RAB10: variants seen among roughly 807,000 people sequenced by gnomAD.
RAB10 encodes the protein ras-related protein Rab-10.
In RAB10, 5 loss-of-function variants were observed where a neutral mutation model predicts 25.7. That is an observed-to-expected ratio of 0.19 (90% CI 0.10 to 0.41). The LOEUF (loss-of-function observed/expected upper bound fraction) is 0.41. Ranked by LOEUF, RAB10 falls within the 10% of genes least tolerant of loss-of-function variation. RAB10 has a pLI of 1.00. For missense variants in RAB10, 103 were observed against 245.8 expected (o/e 0.42, Z 3.89); for synonymous variants, 89 against 86.4 (o/e 1.03, Z -0.16).
intron 2 of RAB10, 84 bp downstream of exon 2, chr2:26,098,806 A>G (rs1574551220): frequency 3.5e-6 from 4 of 1,156,758 alleles, no homozygotes; most frequent in East Asian, 5.1e-5. Flanking sequence ...TCACAGGTTT[A>G]GATTCTGTGA....
intron 1 of RAB10, among the ~76,000 whole-genome samples, chr2:26,048,608 A>G (rs892758053): frequency 3.4e-4 from 51 of 152,130 alleles, no homozygotes; most frequent in African/African-American, 1.1e-3. Flanking sequence ...TCTAGTCTTG[A>G]CCAGGTGCAG....
chr2:26,078,153 A>G (rs1324016386), intron 1 of RAB10, among the ~76,000 whole-genome samples: 2 of 152,230 alleles, frequency 1.3e-5, no homozygotes, highest in East Asian at 3.8e-4. Context: ...TGAAAACTAG[A>G]AAGCATTGTT....
chr2:26,057,558 A>C (rs1309033547), intron 1 of RAB10, among the ~76,000 whole-genome samples: 1 of 151,054 alleles, frequency 6.6e-6, no homozygotes, highest in Admixed American at 6.6e-5. Flanking sequence ...GATGGTGTAG[A>C]GAAAAAGAAC....
intron 5 of RAB10, 34 bp downstream of exon 5, chr2:26,127,985 T>C: frequency 3.4e-6 from 5 of 1,459,622 alleles, no homozygotes; most frequent in Non-Finnish European, 4.8e-6. Context: ...GCCAGGTACC[T>C]GAGTATCTCT....
intron 1 of RAB10, among the ~76,000 whole-genome samples, chr2:26,037,509 C>A (rs1316132235): frequency 6.6e-6 from 1 of 151,992 alleles, no homozygotes; most frequent in African/African-American, 2.4e-5. Context: ...CGTGGTGGCG[C>A]ATGCTTGTAA....
chr2:26,080,066 A>G (rs1666834681), intron 1 of RAB10, among the ~76,000 whole-genome samples: 1 of 152,214 alleles, frequency 6.6e-6, no homozygotes, highest in Non-Finnish European at 1.5e-5. Context: ...TTGTGATTCT[A>G]GAAAACAAAG....
intron 2 of RAB10, among the ~76,000 whole-genome samples, chr2:26,103,054 T>C (rs530510800): frequency 1.3e-5 from 2 of 152,298 alleles, no homozygotes; most frequent in South Asian, 4.1e-4. Context: ...TCATTATCCC[T>C]CCTTATTGTT....
chr2:26,101,240 T>C (rs2149280978), intron 2 of RAB10: 1 of 152,322 alleles, frequency 6.6e-6, no homozygotes, highest in East Asian at 1.9e-4. Flanking sequence ...CTATGCTTTT[T>C]ACCATGTTGC....
At chr2:26,066,715 G>T (rs1197965854) in intron 1 of RAB10, among the ~76,000 whole-genome samples, 1 of 151,922 alleles carries the variant, frequency 6.6e-6, no homozygotes, top group Admixed American at 6.6e-5. Context: ...GACACTTGGG[G>T]ATTATGGGAA....
At chr2:26,070,475 C>T (rs963424560) in intron 1 of RAB10, among the ~76,000 whole-genome samples, 7 of 152,158 alleles carry the variant, frequency 4.6e-5, no homozygotes, top group African/African-American at 1.4e-4. Context: ...TTCGTTTCAT[C>T]ATACTTAAAA....
intron 3 of RAB10, among the ~76,000 whole-genome samples, chr2:26,126,515 C>T (rs556993663): frequency 6.6e-6 from 1 of 152,188 alleles, no homozygotes; most frequent in Non-Finnish European, 1.5e-5. Context: ...ATCGCTTGAA[C>T]TCGGGAGGCG....
intron 1 of RAB10, among the ~76,000 whole-genome samples, chr2:26,057,787 C>T (rs894184615): frequency 6.6e-6 from 1 of 152,140 alleles, no homozygotes; most frequent in African/African-American, 2.4e-5. Flanking sequence ...CCACACCCAG[C>T]TAATTTTTGT....
Position 26,131,785 on chromosome 2 carries a change from A to G in RAB10, c.520-3153A>G, listed in dbSNP as rs952981788. Among the ~76,000 whole-genome samples the G allele has an allele frequency of 3.3e-5, 5 of 152,198 alleles. 1 individual carries two copies. Among genetic ancestry groups the G allele is most frequent in the Admixed American group, 3.3e-4 (5 of 15,278 alleles). On this transcript the variant is annotated intron_variant, in intron 5 of 5. Transcript: ENST00000264710. ...CCTTTTCTTTTTAACAGATGAGGTA[A>G]CATACTCCACTGATTGTCACTTTGC... is the stretch of plus-strand genomic sequence containing the variant.
At chr2:26,074,401 A>AT (rs1666689210) in intron 1 of RAB10, among the ~76,000 whole-genome samples, 3 of 151,996 alleles carry the variant, frequency 2.0e-5, no homozygotes. Context: ...CTTTTAAAGT[A>AT]TTTTATTTTT....
chr2:26,097,495 C>G (rs1005484434), intron 1 of RAB10, among the ~76,000 whole-genome samples: 2 of 152,160 alleles, frequency 1.3e-5, no homozygotes, highest in Non-Finnish European at 2.9e-5. Flanking sequence ...CCAGACTGGT[C>G]TCGAACTCCT....
At position 26,137,444 on chromosome 2, in the gene RAB10, C is replaced by T. The variant is rs547259422; in HGVS notation, c.*2423C>T. 1 of 152,652 alleles carries T rather than the reference C, an allele frequency of 6.6e-6. No individual in the cohort carries two copies. The highest frequency in any genetic ancestry group is 2.1e-4 in the South Asian group (1 of 4,820). 9.5% of individuals were successfully genotyped at this position (152,652 alleles called of 1,614,324 possible). A position where few individuals can be genotyped will look rare whatever the true frequency, so the allele number is the denominator to read the frequency against. ...TACTTCTGTTCATATAAAAACAAAA[C>T]TTGATTTCCAGCTGTGTGGTTTGGT... is the stretch of plus-strand genomic sequence containing the variant. On this transcript the variant is annotated 3_prime_UTR_variant, in exon 6 of 6. Transcript: ENST00000264710.
At position 26,034,186 on chromosome 2, in the gene RAB10, T is replaced by C. The variant is rs866906255; in HGVS notation, c.-423T>C. 4.7e-6 allele frequency: 2 copies of C among 427,994 alleles called. No individual in the cohort carries two copies. The highest frequency in any genetic ancestry group is 4.1e-5 in the African/African-American group (2 of 49,242). 26.5% of individuals were successfully genotyped at this position (427,994 alleles called of 1,614,324 possible). A position where few individuals can be genotyped will look rare whatever the true frequency, so the allele number is the denominator to read the frequency against. On this transcript the variant is annotated 5_prime_UTR_variant, in exon 1 of 6. Coordinates refer to ENST00000264710, the MANE Select transcript of RAB10 (RefSeq NM_016131.5). Reference sequence around the variant, plus strand: ...GGCTATGTAACTGAGCTCGTCGACTTAGGGGTCCTTCTTCGCTGCCCTCGC... The same window carrying C: ...GGCTATGTAACTGAGCTCGTCGACTCAGGGGTCCTTCTTCGCTGCCCTCGC...
chr2:26,061,179 A>G (rs917669012), intron 1 of RAB10, among the ~76,000 whole-genome samples: 1 of 133,030 alleles, frequency 7.5e-6, no homozygotes, highest in Non-Finnish European at 1.5e-5. Context: ...CAGTGGTGCC[A>G]TCTCAGCTCA....
chr2:26,086,988 G>A (rs1000561388), intron 1 of RAB10, among the ~76,000 whole-genome samples: 1 of 152,180 alleles, frequency 6.6e-6, no homozygotes, highest in Non-Finnish European at 1.5e-5. Flanking sequence ...ATGGGAAGCT[G>A]CTGAATGGAT....
Sources: gnomAD v4.1 joint callset for allele counts (sites outside exome capture counted in the v4.1 genomes callset) on GRCh38, gnomAD v4.1.1 for gene constraint, MANE v1.5 for transcripts, NCBI Gene and HGNC (gene_info 2026-07-23, HGNC 2026-07-21) for gene names.